Variants in RTEL1 observed in about 807,000 individuals in gnomAD.
RTEL1 encodes the protein regulator of telomere elongation helicase 1, also known as regulator of telomere length.
A neutral mutation model predicts 162.2 loss-of-function variants in RTEL1; 86 were observed. The observed-to-expected ratio is 0.53, with a 90% CI of 0.45 to 0.63. The LOEUF is 0.63. Ranked by LOEUF, RTEL1 falls within the 30% of genes least tolerant of loss-of-function variation. RTEL1 has a pLI of 0.00. For missense variants in RTEL1, 1,941 were observed against 1,750.2 expected (o/e 1.11, Z -1.95); for synonymous variants, 958 against 717.9 (o/e 1.33, Z -5.35).
chr20:63,681,939 T>G, intron 14 of RTEL1: 3 of 984,676 alleles, frequency 3.0e-6, no homozygotes, highest in Non-Finnish European at 2.4e-6. Context: ...CCGCATGGAG[T>G]GTGGTTGGCT....
chr20:63,695,740 G>T (rs372575510), intron 34 of RTEL1, 38 bp from the exon 35 acceptor site: 39 of 1,594,318 alleles, frequency 2.4e-5, no homozygotes, highest in Non-Finnish European at 3.1e-5. Context: ...TGGTGGCAAC[G>T]CCTGGCAGAC....
chr20:63,688,557 G>A lies in RTEL1; in HGVS notation c.1752G>A (p.Ala584=), dbSNP rs113304555. The A allele has an allele frequency of 7.9e-5, 127 of 1,610,206 alleles. No individual in the cohort carries two copies. The highest frequency in any genetic ancestry group is 1.6e-4 in the African/African-American group (12 of 75,012). Residue 584 remains alanine (A), a synonymous_variant, in exon 21 of 35, where the codon GCG becomes GCA. Coordinates refer to ENST00000360203, the MANE Select transcript of RTEL1 (RefSeq NM_001283009.2). ...RARDLARKME[A]LKPLFVEPRS... The stretch of plus-strand genomic sequence containing the variant: ...GCGACTTGGCCAGGAAGATGGAGGC[G>A]CTGAAGCCGCTGTTTGTGGAGCCCA...
Position 63,695,884 on chromosome 20 carries a change from C to A in RTEL1, c.*26C>A. On this transcript the variant is annotated 3_prime_UTR_variant, in exon 35 of 35. Coordinates refer to ENST00000360203, the MANE Select transcript of RTEL1 (RefSeq NM_001283009.2). ...GTGCCCACGGAGGCCCCCAGCACAC[C>A]CAACGTGGCTTGATCACCTGCCTGT... 3 of 1,556,490 alleles carry A rather than the reference C, an allele frequency of 1.9e-6. No individual in the cohort carries two copies. Among genetic ancestry groups the A allele is most frequent in the Non-Finnish European group, 2.6e-6 (3 of 1,150,964 alleles).
At position 63,678,476 on chromosome 20, in the gene RTEL1, T is replaced by C. The variant is rs889113419; in HGVS notation, c.1037+130T>C. On this transcript the variant is annotated intron_variant, in intron 12 of 34. Coordinates refer to ENST00000360203, the MANE Select transcript of RTEL1 (RefSeq NM_001283009.2). ...AGGCCTGTTTTCCCTTTTTGAGACC[T>C]GGGAGGAGCACCTGCTTTGCATGAT... The C allele has an allele frequency of 2.1e-5, 17 of 826,966 alleles. No individual in the cohort carries two copies. The African/African-American group carries it at 2.7e-4, about 13-fold the overall frequency. The allele number at this position is 826,966 out of a possible 1,614,324, so 51.2% of individuals were successfully genotyped here.
At chr20:63,673,156 G>A (rs1468567981) in intron 9 of RTEL1, among the ~76,000 whole-genome samples, 1 of 152,020 alleles carries the variant, frequency 6.6e-6, no homozygotes, top group East Asian at 1.9e-4. Flanking sequence ...CACTTTGGGA[G>A]GCTGAGGTGG....
chr20:63,691,966 G>T (rs989048252), intron 28 of RTEL1, 129 bp downstream of exon 28: 1 of 675,870 alleles, frequency 1.5e-6, no homozygotes, highest in Non-Finnish European at 2.5e-6. Flanking sequence ...GATGTCCAGG[G>T]CAGCTGTGAT....
In RTEL1 at chr20:63,689,087, C is replaced by T. The variant is rs116502880; in HGVS notation, c.1833C>T (p.Ala611=). The stretch of plus-strand genomic sequence containing the variant: ...GTGCTTACTATGCAAGGGTTGCCGC[C>T]CCTGGGTCCACCGGCGCCACCTTCC... The part of the protein sequence containing the change: ...TISAYYARVA[A]PGSTGATFLA... Residue 611 remains alanine (A), a synonymous_variant, in exon 22 of 35, where the codon GCC becomes GCT. Coordinates refer to ENST00000360203, the MANE Select transcript of RTEL1 (RefSeq NM_001283009.2). The T allele has an allele frequency of 3.7e-4, 590 of 1,610,928 alleles. No individual in the cohort carries two copies. The highest frequency in any genetic ancestry group is 6.6e-4 in the Middle Eastern group (4 of 6,054).
intron 30 of RTEL1, 108 bp downstream of exon 30, chr20:63,693,391 C>A: frequency 8.0e-6 from 11 of 1,375,680 alleles, no homozygotes; most frequent in Non-Finnish European, 1.1e-5. Context: ...TTGGCCCCGC[C>A]TCTCTGTTCC....
At chr20:63,667,936 C>T (rs1023793055) in intron 8 of RTEL1, among the ~76,000 whole-genome samples, 1 of 151,574 alleles carries the variant, frequency 6.6e-6, no homozygotes, top group African/African-American at 2.4e-5. Flanking sequence ...CGGCCCCACA[C>T]TCACTCCCCC....
At position 63,694,808 on chromosome 20, in the gene RTEL1, C is replaced by T. The variant is rs539800902; in HGVS notation, c.3177C>T (p.Ala1059=). The T allele has an allele frequency of 2.0e-5, 32 of 1,612,410 alleles. No individual in the cohort carries two copies. The highest frequency in any genetic ancestry group is 1.1e-4 in the African/African-American group (8 of 75,062). ...GAGCAGGGAAGCAGGGCCAGCACGCCGTGAGCGCCTACCTGGCTGATGCCC... is the reference window on the plus strand; with the variant it reads ...GAGCAGGGAAGCAGGGCCAGCACGCTGTGAGCGCCTACCTGGCTGATGCCC... ...VPRAGKQGQH[A]VSAYLADARR... The change falls in exon 32 of 35, where the codon GCC becomes GCT. Residue 1059 remains alanine (A), a synonymous_variant. Transcript: ENST00000360203.
intron 26 of RTEL1, 50 bp downstream of exon 26, chr20:63,690,491 G>T: frequency 1.5e-6 from 2 of 1,377,018 alleles, no homozygotes; most frequent in Non-Finnish European, 2.0e-6. Flanking sequence ...CGGAGCGGGC[G>T]GCGTGGGGCG....
intron 14 of RTEL1, chr20:63,682,350 C>T (rs544090553): frequency 3.1e-6 from 3 of 982,254 alleles, no homozygotes. Context: ...CCTCCCAGGC[C>T]CCCAGCTATG....
rs1555812473 is a variant in RTEL1 at position 63,691,809 on chromosome 20, GGAA to G, written c.2630_2632del (p.Lys877del). The G allele has an allele frequency of 2.5e-6, 4 of 1,612,176 alleles. No homozygotes were observed. Among genetic ancestry groups the G allele is most frequent in the East Asian group, 2.2e-5 (1 of 44,880 alleles). On this transcript the variant is annotated inframe_deletion, in exon 28 of 35. Transcript: ENST00000360203. ...CCGGCAGAAGAACCGCGAGGAGGGA[GGAA>G]GAAGATCCGGCTGGTCAGCCACCCG...
At chr20:63,693,309 T>A (rs531507791) in intron 30 of RTEL1, 26 bp downstream of exon 30, 2 of 1,610,284 alleles carry the variant, frequency 1.2e-6, no homozygotes, top group South Asian at 1.1e-5. Context: ...GGTGGGACCC[T>A]CAGACTCCTG....
In RTEL1 at chr20:63,695,513, C is replaced by T. The variant is rs1315559063; in HGVS notation, c.3685C>T (p.Gln1229Ter). Residue 1229 changes from glutamine (Q) to a stop codon, truncating the protein, a stop_gained, in exon 34 of 35, where the codon CAG (glutamine) becomes TAG (stop). Coordinates refer to ENST00000360203, the MANE Select transcript of RTEL1 (RefSeq NM_001283009.2). LOFTEE classifies it high-confidence loss of function. ...EPHGRDIAGQ[Q>*]ATGAPGGPLS... is the part of the protein sequence containing the mutation. ...TCATGGGAGAGACATCGCTGGGCAG[C>T]AGGCCACGGGAGCTCCGGGCGGGCC... 1 of 1,611,686 alleles carries T rather than the reference C, an allele frequency of 6.2e-7. No homozygotes were observed. Among genetic ancestry groups the T allele is most frequent in the Non-Finnish European group, 8.5e-7 (1 of 1,179,566 alleles).
intron 14 of RTEL1, chr20:63,682,668 G>A: frequency 1.0e-6 from 1 of 985,832 alleles, no homozygotes; most frequent in Non-Finnish European, 1.2e-6. Flanking sequence ...GGTGTGGGCG[G>A]TGCCCATAGG....
chr20:63,678,735 C>T (rs1263245601), intron 12 of RTEL1, among the ~76,000 whole-genome samples: 1 of 131,054 alleles, frequency 7.6e-6, no homozygotes, highest in Non-Finnish European at 1.6e-5. Flanking sequence ...ACCCACGGAA[C>T]GGCACACACT....
intron 21 of RTEL1, 124 bp downstream of exon 21, chr20:63,688,729 G>A (rs1952034968): frequency 1.2e-6 from 1 of 821,832 alleles, no homozygotes. Context: ...GCCTCTTCAG[G>A]GCTCCTGCGT....
In RTEL1 at chr20:63,661,797, G is replaced by A. The variant is rs367662869; in HGVS notation, c.302-53G>A. The A allele has an allele frequency of 4.5e-5, 68 of 1,505,500 alleles. No individual in the cohort carries two copies. Among genetic ancestry groups the A allele is most frequent in the East Asian group, 3.4e-4 (15 of 44,320 alleles). The allele number at this position is 1,505,500 out of a possible 1,614,324, so 93.3% of individuals were successfully genotyped here. A position where few individuals can be genotyped will look rare whatever the true frequency, so the allele number is the denominator to read the frequency against. ...GCCGAATGCCACCTGCCTTTGATAC[G>A]TGAGAACGTTGTCTGAGAACCGTGA... On this transcript the variant is annotated intron_variant, in intron 3 of 34. Transcript: ENST00000360203. The surrounding 1 kb of genome is among the most constrained non-coding windows in gnomAD (Gnocchi z 5.1).
Sources: gnomAD v4.1 joint callset for allele counts (sites outside exome capture counted in the v4.1 genomes callset) on GRCh38, gnomAD v4.1.1 for gene constraint, Gnocchi (gnomAD v3.1) non-coding constraint, MANE v1.5 for transcripts, NCBI Gene and HGNC (gene_info 2026-07-23, HGNC 2026-07-21) for gene names.